The following TSC2 variants were observed in gnomAD, a reference collection of about 807,000 sequenced individuals.
The protein encoded by TSC2 is TSC complex subunit 2.
A neutral mutation model predicts 202.2 loss-of-function variants in TSC2; 29 were observed. The ratio of observed to expected loss-of-function variants is 0.14; its 90% CI spans 0.11 to 0.20. TSC2 has a LOEUF of 0.20. Ranked by LOEUF, TSC2 falls within the 10% of genes least tolerant of loss-of-function variation. The pLI is 1.00. For missense variants in TSC2, 2,429 were observed against 2,420.0 expected (o/e 1.00, Z -0.08); for synonymous variants, 1,349 against 1,044.0 (o/e 1.29, Z -5.63).
intron 21 of TSC2, 91 bp from the exon 22 acceptor site, chr16:2,074,104 GCTGTT>G: frequency 6.6e-7 from 1 of 1,518,790 alleles, no homozygotes; most frequent in Non-Finnish European, 9.0e-7. Context: ...CTAAGCCTCG[GCTGTT>G]CTCCCGGTGG....
Position 2,070,471 on chromosome 16 carries a change from C to G in TSC2, c.1732C>G (p.Leu578Val), listed in dbSNP as rs1204972424. 1 of 1,613,412 alleles carries G rather than the reference C, an allele frequency of 6.2e-7. No homozygotes were observed. The highest frequency in any genetic ancestry group is 2.2e-5 in the East Asian group (1 of 44,886). ...LVILQTKLYT[L>V]PASHATRVYE... ...CTCTCTGCAGACCAAGCTGTACACC[C>G]TGCCTGCAAGCCACGCCACGCGTGT... The change falls in exon 17 of 42, where the codon CTG (leucine) becomes GTG (valine). Residue 578 changes from leucine (L) to valine (V), a missense_variant. Coordinates refer to ENST00000219476, the MANE Select transcript of TSC2 (RefSeq NM_000548.5).
intron 17 of TSC2, among the ~76,000 whole-genome samples, chr16:2,071,164 T>G (rs893408683): frequency 2.0e-5 from 3 of 152,072 alleles, no homozygotes; most frequent in African/African-American, 7.2e-5. Context: ...ATGGAAGAAG[T>G]GGCAGGGCTG....
At chr16:2,064,148 A>G (rs1567436580) in intron 14 of TSC2, 124 bp from the exon 15 acceptor site, 1 of 1,494,422 alleles carries the variant, frequency 6.7e-7, no homozygotes. Flanking sequence ...CTCTCTGCCC[A>G]GCTGTGCTGA....
rs1060500971 is a variant in TSC2, at chr16:2,079,417, C to T, written c.3273C>T (p.Gly1091=). 8 of 1,612,764 alleles carry T rather than the reference C, an allele frequency of 5.0e-6. No individual in the cohort carries two copies. The East Asian group carries it at 1.8e-4, about 36-fold the overall frequency. ...TGGACTCGGGGGAGCTGCAGTCCGG[C>T]CCGGAGTCGAGGTGACTGCACCTTC... ...LGLDSGELQS[G]PESSSSPGVH... Residue 1091 remains glycine (G), a synonymous_variant, in exon 28 of 42, where the codon GGC becomes GGT. Transcript: ENST00000219476. This position sits in a 1 kb window ranked among gnomAD's most constrained non-coding sequence, Gnocchi z 4.6.
At chr16:2,066,741 A>C (rs1409038226) in intron 16 of TSC2, among the ~76,000 whole-genome samples, 1 of 143,860 alleles carries the variant, frequency 7.0e-6, no homozygotes, top group African/African-American at 2.6e-5. Flanking sequence ...GCTCACTGCA[A>C]CCTTCGCCTC....
In TSC2 at chr16:2,070,840, C is replaced by T. The variant is rs147378743; in HGVS notation, c.1839+262C>T. Among the ~76,000 whole-genome samples, 128 of 152,318 alleles carry T rather than the reference C, an allele frequency of 8.4e-4. 2 individuals are homozygous for T. The highest frequency in any genetic ancestry group is 6.8e-3 in the South Asian group (33 of 4,824). Reference sequence around the variant, plus strand: ...AGAGAAAAGGACGCACGGCGACTTCCGGGGCAGTGCATGGCCCTGACGCTC... The same window carrying T: ...AGAGAAAAGGACGCACGGCGACTTCTGGGGCAGTGCATGGCCCTGACGCTC... On this transcript the variant is annotated intron_variant, in intron 17 of 41. Transcript: ENST00000219476.
At chr16:2,053,514 T>C in intron 4 of TSC2, 62 bp downstream of exon 4, 1 of 1,481,686 alleles carries the variant, frequency 6.7e-7, no homozygotes, top group Non-Finnish European at 9.1e-7. Context: ...GTCCTGTCCC[T>C]GCTGGGCCGT....
At position 2,084,668 on chromosome 16, in the gene TSC2, C is replaced by T. The variant is rs780955293; in HGVS notation, c.4446C>T (p.Ser1482=). ...GAGTAGAGAGGGACGCCTTAAAGAG[C>T]AGAGCCACAGCCTCCAATGCAGAGA... ...GKRVERDALK[S]RATASNAEKV... is the part of the protein sequence containing the mutation. Residue 1482 remains serine, a synonymous_variant, in exon 34 of 42, where the codon AGC becomes AGT. Transcript: ENST00000219476. The T allele has an allele frequency of 1.2e-5, 19 of 1,598,720 alleles. No homozygotes were observed. Among genetic ancestry groups the T allele is most frequent in the African/African-American group, 2.7e-5 (2 of 74,932 alleles).
chr16:2,073,110 C>T (rs1390444014), intron 21 of TSC2, 127 bp downstream of exon 21: 1 of 1,461,948 alleles, frequency 6.8e-7, no homozygotes, highest in African/African-American at 1.4e-5. Context: ...GTTGGCTCTG[C>T]TTCCCTGGGT....
intron 10 of TSC2, 80 bp from the exon 11 acceptor site, chr16:2,060,590 G>C (rs577256369): frequency 6.2e-7 from 1 of 1,608,310 alleles, no homozygotes; most frequent in Non-Finnish European, 8.5e-7. Context: ...TGCTACTCTC[G>C]GTCCCAAGGG....
At chr16:2,077,431 C>G in intron 25 of TSC2, 167 bp from the exon 26 acceptor site, 2 of 963,874 alleles carry the variant, frequency 2.1e-6, no homozygotes, top group South Asian at 1.5e-5. Context: ...GTCTCTTCCC[C>G]GCTAACTGCC....
chr16:2,087,003 C>G (rs2090893274), intron 38 of TSC2, 132 bp downstream of exon 38: 1 of 1,377,218 alleles, frequency 7.3e-7, no homozygotes, highest in Non-Finnish European at 9.9e-7. Flanking sequence ...GCTCAGGGCC[C>G]CGTGGGCACG....
Position 2,080,301 on chromosome 16 carries a change from G to A in TSC2, c.3534G>A (p.Gln1178=), listed in dbSNP as rs201305783. ...CAGCTGGCACCCGGGTTCCTGTGCA[G>A]GAGAAGACGAACCTGGCGGCCTATG... The part of the protein sequence containing the change: ...KASAGTRVPV[Q]EKTNLAAYVP... The change falls in exon 30 of 42, where the codon CAG becomes CAA. Residue 1178 remains glutamine, a synonymous_variant. Transcript: ENST00000219476. 1.1e-5 allele frequency: 17 copies of A among 1,612,834 alleles called. No individual in the cohort carries two copies. The highest frequency in any genetic ancestry group is 2.2e-5 in the East Asian group (1 of 44,894).
rs374455547 is a variant in TSC2 at position 2,079,750 on chromosome 16, C to T, written c.3397+81C>T. On this transcript the variant is annotated intron_variant, in intron 29 of 41. Transcript: ENST00000219476. The surrounding 1 kb of genome is among the most constrained non-coding windows in gnomAD (Gnocchi z 4.6). ...CTGGTCCCAGTGTTCAGGAAGGCCC[C>T]GAGCCCAGGGGCCGGGGTGGCTGGC... 1.2e-5 allele frequency: 17 copies of T among 1,433,826 alleles called. No homozygotes were observed. The highest frequency in any genetic ancestry group is 1.4e-5 in the African/African-American group (1 of 70,662). The allele number at this position is 1,433,826 out of a possible 1,614,324, so 88.8% of individuals were successfully genotyped here. A position where few individuals can be genotyped will look rare whatever the true frequency, so the allele number is the denominator to read the frequency against.
chr16:2,060,975 G>T (rs1274926074), intron 11 of TSC2, 162 bp downstream of exon 11: 1 of 915,488 alleles, frequency 1.1e-6, no homozygotes, highest in Admixed American at 2.3e-5. Flanking sequence ...ACCTTCCACC[G>T]GAGACAGGTC....
In TSC2 at chr16:2,070,549, C is replaced by T. The variant is rs774082654; in HGVS notation, c.1810C>T (p.Leu604=). 5 of 1,613,252 alleles carry T rather than the reference C, an allele frequency of 3.1e-6. No homozygotes were observed. Among genetic ancestry groups the T allele is most frequent in the South Asian group, 2.2e-5 (2 of 91,092 alleles). The change falls in exon 17 of 42, where the codon CTG becomes TTG. Residue 604 remains leucine, a synonymous_variant. Transcript: ENST00000219476. ...IQLHYKHSYT[L]PIASSIRLQA... is the part of the protein sequence containing the mutation. ...GCTCCACTACAAGCACAGCTACACC[C>T]TGCCAATCGCGAGCAGCATCCGGCT...
rs534873737 is a variant in TSC2, at chr16:2,061,829, G to A, written c.1120-42G>A. The A allele has an allele frequency of 3.2e-5, 52 of 1,613,822 alleles. No homozygotes were observed. The East Asian group carries it at 3.3e-4, about 10-fold the overall frequency. ...AGGCCTCTGGTGCCAAGTCCATGTG[G>A]GGAGTGGAAGTCAGCCTGTGTCATC... is the stretch of plus-strand genomic sequence containing the variant. On this transcript the variant is annotated intron_variant, in intron 11 of 41. Coordinates refer to ENST00000219476, the MANE Select transcript of TSC2 (RefSeq NM_000548.5).
At chr16:2,080,666 A>C in intron 30 of TSC2, 1 of 419,450 alleles carries the variant, frequency 2.4e-6, no homozygotes, top group South Asian at 2.3e-5. Flanking sequence ...TTGTATTTCT[A>C]GTAGAGATGG....
intron 11 of TSC2, 150 bp from the exon 12 acceptor site, chr16:2,061,721 A>C (rs999335909): frequency 2.2e-6 from 3 of 1,363,148 alleles, no homozygotes; most frequent in African/African-American, 1.4e-5. Flanking sequence ...GAGCGGCCTC[A>C]GAGGGCTGGG....
Sources: allele counts gnomAD v4.1 joint callset (sites outside exome capture counted in the v4.1 genomes callset), GRCh38; gene constraint gnomAD v4.1.1; non-coding constraint Gnocchi (gnomAD v3.1); transcripts MANE v1.5; gene names NCBI Gene and HGNC (gene_info 2026-07-23, HGNC 2026-07-21).